Variants in KHDRBS2 observed in about 807,000 individuals in gnomAD.
KHDRBS2 encodes the protein KH domain-containing, RNA-binding, signal transduction-associated protein 2.
A neutral mutation model predicts 44.3 loss-of-function variants in KHDRBS2; 26 were observed. The ratio of observed to expected loss-of-function variants is 0.59; its 90% CI spans 0.43 to 0.81. KHDRBS2 has a LOEUF of 0.81. Among genes scored for constraint, KHDRBS2 ranks in the 40% least tolerant of loss-of-function variants. KHDRBS2 has a pLI of 0.00. For missense variants in KHDRBS2, 476 were observed against 433.1 expected (o/e 1.10, Z -0.88); for synonymous variants, 194 against 151.1 (o/e 1.28, Z -2.08).
chr6:62,098,148 A>G (rs1309833379), intron 2 of KHDRBS2, among the ~76,000 whole-genome samples: 1 of 152,014 alleles, frequency 6.6e-6, no homozygotes, highest in Non-Finnish European at 1.5e-5. Flanking sequence ...CTTCATTCTA[A>G]AGATATGTCT....
chr6:61,646,421 C>A, the KHDRBS2 span, among the ~76,000 whole-genome samples: 1 of 152,222 alleles, frequency 6.6e-6, no homozygotes, highest in African/African-American at 2.4e-5. Context: ...TCTTTTCCTC[C>A]AAGGACAACT....
At chr6:61,689,373 G>A (rs1356968386) in intron 8 of KHDRBS2, among the ~76,000 whole-genome samples, 5 of 152,052 alleles carry the variant, frequency 3.3e-5, no homozygotes, top group African/African-American at 7.2e-5. Flanking sequence ...GGGAACCCCC[G>A]AATTTGTAGC....
chr6:61,868,793 G>C (rs1487764202), intron 6 of KHDRBS2, among the ~76,000 whole-genome samples: 1 of 152,178 alleles, frequency 6.6e-6, no homozygotes, highest in African/African-American at 2.4e-5. Context: ...TCAGACCCCT[G>C]CATTCAGCCC....
intron 6 of KHDRBS2, among the ~76,000 whole-genome samples, chr6:61,800,005 C>A (rs61641440): frequency 0.064 from 9,784 of 151,984 alleles, 402 homozygotes; most frequent in Middle Eastern, 0.12. Flanking sequence ...AGTGTATATA[C>A]ACACATTTTT....
intron 2 of KHDRBS2, among the ~76,000 whole-genome samples, chr6:62,154,527 C>T (rs547467553): frequency 1.3e-5 from 2 of 152,114 alleles, no homozygotes; most frequent in Non-Finnish European, 2.9e-5. Flanking sequence ...ATTTATAAGC[C>T]ATCTCAATCT....
intron 4 of KHDRBS2, among the ~76,000 whole-genome samples, chr6:61,967,041 C>A (rs191386394): frequency 3.6e-4 from 54 of 151,188 alleles, no homozygotes; most frequent in Admixed American, 3.4e-3. Context: ...ATATTTTTAA[C>A]TGAGATAAAT....
At chr6:62,283,957 T>G (rs9454845) in intron 1 of KHDRBS2, among the ~76,000 whole-genome samples, 1 of 151,936 alleles carries the variant, frequency 6.6e-6, no homozygotes, top group Non-Finnish European at 1.5e-5. Context: ...TACTTAGATG[T>G]TTTTCTCTAT....
intron 4 of KHDRBS2, among the ~76,000 whole-genome samples, chr6:61,945,977 T>A (rs554960567): frequency 2.0e-5 from 3 of 152,340 alleles, no homozygotes; most frequent in African/African-American, 7.2e-5. Context: ...TCATTGTGTT[T>A]GCTTATGTGT....
chr6:61,753,519 T>C (rs1442433006), intron 6 of KHDRBS2, among the ~76,000 whole-genome samples: 3 of 152,296 alleles, frequency 2.0e-5, no homozygotes, highest in East Asian at 3.9e-4. Flanking sequence ...TTGCAATTCA[T>C]AGTCAGCTCT....
intron 6 of KHDRBS2, among the ~76,000 whole-genome samples, chr6:61,737,402 T>C (rs1037702767): frequency 4.6e-5 from 7 of 152,118 alleles, no homozygotes; most frequent in African/African-American, 7.2e-5. Context: ...TTAAGAAATA[T>C]GTATACACAT....
chr6:62,170,952 CAAA>C (rs34963723), intron 2 of KHDRBS2, among the ~76,000 whole-genome samples: 2 of 129,820 alleles, frequency 1.5e-5, no homozygotes, highest in Admixed American at 7.9e-5. Flanking sequence ...AAGATAAACG[CAAA>C]AAAAAAAAAA....
chr6:62,176,708 A>C (rs1284374964), intron 2 of KHDRBS2, among the ~76,000 whole-genome samples: 1 of 151,318 alleles, frequency 6.6e-6, no homozygotes, highest in African/African-American at 2.4e-5. Flanking sequence ...TTTTATGAAT[A>C]AACTTTGATT....
intron 6 of KHDRBS2, among the ~76,000 whole-genome samples, chr6:61,741,701 C>T (rs1282949737): frequency 6.6e-6 from 1 of 151,814 alleles, no homozygotes; most frequent in Non-Finnish European, 1.5e-5. Context: ...TAAGTTCAAC[C>T]TAACACTAAT....
At chr6:62,043,620 A>G (rs1464664649) in intron 3 of KHDRBS2, among the ~76,000 whole-genome samples, 1 of 152,020 alleles carries the variant, frequency 6.6e-6, no homozygotes. Context: ...TACCTTGAAT[A>G]TTATTATATT....
chr6:61,746,558 G>A (rs1776888692), intron 6 of KHDRBS2, among the ~76,000 whole-genome samples: 1 of 152,020 alleles, frequency 6.6e-6, no homozygotes, highest in Admixed American at 6.6e-5. Flanking sequence ...GTCTTTCATT[G>A]ATGGGCATTT....
At chr6:62,274,182 C>T (rs2150190943) in intron 1 of KHDRBS2, among the ~76,000 whole-genome samples, 1 of 152,198 alleles carries the variant, frequency 6.6e-6, no homozygotes. Context: ...GATCTGCCCA[C>T]CTCAGCCTCC....
chr6:61,919,563 C>G (rs917141299), intron 4 of KHDRBS2, among the ~76,000 whole-genome samples: 1 of 151,844 alleles, frequency 6.6e-6, no homozygotes, highest in African/African-American at 2.4e-5. Flanking sequence ...AATGTATTGA[C>G]TACTTTTTTG....
chr6:61,960,572 G>T (rs1245053007), intron 4 of KHDRBS2, among the ~76,000 whole-genome samples: 2 of 152,002 alleles, frequency 1.3e-5, no homozygotes, highest in Non-Finnish European at 2.9e-5. Context: ...AACATGACTA[G>T]CTTATAGGGA....
chr6:61,980,776 C>G (rs1250139814), intron 3 of KHDRBS2, among the ~76,000 whole-genome samples: 1 of 152,196 alleles, frequency 6.6e-6, no homozygotes, highest in African/African-American at 2.4e-5. Context: ...ACCACCACAA[C>G]TCTGCAGGAC....
Sources: allele counts gnomAD v4.1 joint callset (sites outside exome capture counted in the v4.1 genomes callset), GRCh38; gene constraint gnomAD v4.1.1; transcripts MANE v1.5; gene names NCBI Gene and HGNC (gene_info 2026-07-23, HGNC 2026-07-21).